Variants in EXOSC5 observed in about 807,000 individuals in gnomAD.
The protein encoded by EXOSC5 is exosome component 5.
In EXOSC5, 15 loss-of-function variants were observed where a neutral mutation model predicts 23.7. The ratio of observed to expected loss-of-function variants is 0.63; its 90% confidence interval spans 0.42 to 0.97. The LOEUF (loss-of-function observed/expected upper bound fraction) is 0.97. Ranked by LOEUF, EXOSC5 falls within the 50% of genes least tolerant of loss-of-function variation. The pLI is 0.00. For synonymous variants in EXOSC5, 143 were observed against 140.9 expected, an observed-to-expected ratio of 1.02 and a Z score of -0.11; for missense variants, 305 against 316.3, an observed-to-expected ratio of 0.96 and a Z score of 0.27.
chr19:41,389,934 C>CTT (rs368205554), intron 3 of EXOSC5, 29 bp from the exon 4 acceptor site: 1,032 of 1,402,422 alleles, frequency 7.4e-4, no homozygotes, highest in Admixed American at 2.0e-3. Flanking sequence ...GGTTAAGTTT[C>CTT]TTTTTTTTTT....
chr19:41,387,063 A>G (rs2038990063), intron 5 of EXOSC5, among the ~76,000 whole-genome samples: 1 of 152,168 alleles, frequency 6.6e-6, no homozygotes, highest in Admixed American at 6.6e-5. Flanking sequence ...GGGATTTTAC[A>G]GCCACAGTCC....
intron 1 of EXOSC5, among the ~76,000 whole-genome samples, chr19:41,395,361 A>G (rs1302699059): frequency 2.6e-5 from 4 of 152,172 alleles, no homozygotes; most frequent in African/African-American, 7.2e-5. Flanking sequence ...TTGCCCGAGC[A>G]CAAGAGTCTC....
rs772486078 is a variant in EXOSC5 at position 41,391,853 on chromosome 19, G to A, written c.372C>T (p.Ser124=). 2.0e-5 allele frequency: 31 copies of A among 1,524,152 alleles called. No individual in the cohort carries two copies. Among genetic ancestry groups the A allele is most frequent in the Middle Eastern group, 3.4e-4 (2 of 5,824 alleles). The allele number at this position is 1,524,152 out of a possible 1,614,324, so 94.4% of individuals were successfully genotyped here. Residue 124 remains serine (S), a synonymous_variant, in exon 3 of 6, where the codon AGC becomes AGT. Coordinates refer to ENST00000221233, the MANE Select transcript of EXOSC5 (RefSeq NM_020158.4). The stretch of plus-strand genomic sequence containing the variant: ...GCAGAAAGGATACAGAGCCGGCATC[G>A]CTGACAACCTGCAGCACCACGGTGA... ...TSITVVLQVV[S]DAGSLLACCL...
At position 41,386,564 on chromosome 19, in the gene EXOSC5, TG is replaced by T; in HGVS notation, c.*68del. The T allele has an allele frequency of 6.8e-7, 1 of 1,472,864 alleles. No homozygotes were observed. The allele number at this position is 1,472,864 out of a possible 1,614,324, so 91.2% of individuals were successfully genotyped here. On this transcript the variant is annotated 3_prime_UTR_variant, in exon 6 of 6. Coordinates refer to ENST00000221233, the MANE Select transcript of EXOSC5 (RefSeq NM_020158.4). ...GGTCAGAGAGGCAAGGCTGGGCTGC[TG>T]GTTTGCTTCAGGCTGTAGGGGGTGA...
At chr19:41,395,739 C>T (rs1226256824) in intron 1 of EXOSC5, among the ~76,000 whole-genome samples, 1 of 152,154 alleles carries the variant, frequency 6.6e-6, no homozygotes, top group Non-Finnish European at 1.5e-5. Flanking sequence ...TCTGACTGCT[C>T]AAGTTGGAAG....
chr19:41,389,020 A>G (rs2039004030), intron 4 of EXOSC5, among the ~76,000 whole-genome samples: 1 of 152,202 alleles, frequency 6.6e-6, no homozygotes, highest in African/African-American at 2.4e-5. Context: ...ATCTCAGCTC[A>G]CTGTAACCTC....
In EXOSC5 at chr19:41,386,383, A is replaced by G. The variant is rs2038984173; in HGVS notation, c.*250T>C. The G allele has an allele frequency of 6.4e-6, 3 of 465,754 alleles. No individual in the cohort carries two copies. Among genetic ancestry groups the G allele is most frequent in the African/African-American group, 5.9e-5 (3 of 50,680 alleles). 28.9% of individuals were successfully genotyped at this position (465,754 alleles called of 1,614,324 possible). The stretch of plus-strand genomic sequence containing the variant: ...GCTCAACAGACATTTGTTAAAGTGA[A>G]TTAATTTATTGATTCATCCATTCCA... On this transcript the variant is annotated 3_prime_UTR_variant, in exon 6 of 6. Transcript: ENST00000221233.
rs370634546 is a variant in EXOSC5, at chr19:41,392,887, C to T, written c.242G>A (p.Arg81Lys). ...ATTACCAGGCAGCCCAATCTTCGGC[C>T]TCAGGATCACTTCGAGTGTGGCCTT... The part of the protein sequence containing the change: ...FNKATLEVIL[R>K]PKIGLPGVAE... The change falls in exon 2 of 6, where the codon AGG becomes AAG. Residue 81 changes from arginine (R) to lysine (K), a missense_variant. By Grantham distance (26) the Arg-to-Lys change is conservative. Transcript: ENST00000221233. The T allele has an allele frequency of 3.1e-6, 5 of 1,613,970 alleles. No homozygotes were observed. Among genetic ancestry groups the T allele is most frequent in the Non-Finnish European group, 4.2e-6 (5 of 1,180,010 alleles).
intron 4 of EXOSC5, among the ~76,000 whole-genome samples, chr19:41,388,637 G>C (rs2039001279): frequency 6.6e-6 from 1 of 152,140 alleles, no homozygotes; most frequent in Non-Finnish European, 1.5e-5. Flanking sequence ...CAACACTGTT[G>C]TTACAAAGTC....
chr19:41,386,580 G>T lies in EXOSC5; in HGVS notation c.*53C>A. ...CTGGGCTGCTGGTTTGCTTCAGGCT[G>T]TAGGGGGTGAGTGGGTGGAGGCAAT... On this transcript the variant is annotated 3_prime_UTR_variant, in exon 6 of 6. Transcript: ENST00000221233. 2 of 1,527,464 alleles carry T rather than the reference G, an allele frequency of 1.3e-6. No individual in the cohort carries two copies. 94.6% of individuals were successfully genotyped at this position (1,527,464 alleles called of 1,614,324 possible).
intron 5 of EXOSC5, 33 bp downstream of exon 5, chr19:41,387,481 T>A: frequency 6.5e-7 from 1 of 1,531,538 alleles, no homozygotes; most frequent in Non-Finnish European, 8.8e-7. Flanking sequence ...GGAAGGAAGG[T>A]TCTGGCTTTT....
intron 3 of EXOSC5, 166 bp downstream of exon 3, chr19:41,391,675 G>T: frequency 1.2e-6 from 1 of 836,516 alleles, no homozygotes; most frequent in Non-Finnish European, 1.8e-6. Flanking sequence ...ACAGAACAGT[G>T]CCTGGCACAT....
Position 41,386,424 on chromosome 19 carries a change from T to G in EXOSC5, c.*209A>C. 1 of 539,030 alleles carries G rather than the reference T, an allele frequency of 1.9e-6. No homozygotes were observed. The highest frequency in any genetic ancestry group is 3.0e-5 in the East Asian group (1 of 33,262). 33.4% of individuals were successfully genotyped at this position (539,030 alleles called of 1,614,324 possible). A position where few individuals can be genotyped will look rare whatever the true frequency, so the allele number is the denominator to read the frequency against. ...ATCCATTCCATAAATGTGAGCTCCT[T>G]TGAATGTTATCCTTGCTGGGGGGAT... On this transcript the variant is annotated 3_prime_UTR_variant, in exon 6 of 6. Transcript: ENST00000221233.
intron 3 of EXOSC5, among the ~76,000 whole-genome samples, chr19:41,391,027 C>T (rs905237111): frequency 1.3e-5 from 2 of 152,128 alleles, no homozygotes; most frequent in African/African-American, 4.8e-5. Context: ...CTGCTCAGGG[C>T]GCCCCCAGCA....
chr19:41,391,028 G>C lies in EXOSC5; in HGVS notation c.384+813C>G, dbSNP rs369702182. On this transcript the variant is annotated intron_variant, in intron 3 of 5. Transcript: ENST00000221233. ...GACTCAGCTGCTGTCTGCTCAGGGC[G>C]CCCCCAGCACTGAGGGCCTGAAATC... 5.3e-5 allele frequency among the ~76,000 whole-genome samples: 8 copies of C among 152,174 alleles called. No individual in the cohort carries two copies. The East Asian group carries it at 1.4e-3, about 26-fold the overall frequency.
intron 3 of EXOSC5, 52 bp from the exon 4 acceptor site, chr19:41,389,957 A>C: frequency 6.5e-7 from 1 of 1,527,360 alleles, no homozygotes; most frequent in Non-Finnish European, 8.8e-7. Context: ...TTGGAGATGG[A>C]GTTTCGCTCT....
chr19:41,396,283 C>T (rs75905923), intron 1 of EXOSC5, among the ~76,000 whole-genome samples: 4,552 of 152,134 alleles, frequency 0.03, 334 homozygotes, highest in East Asian at 0.29. Flanking sequence ...GATCTCGGCC[C>T]ACTGCAACTT....
rs756993318 is a variant in EXOSC5, at chr19:41,397,342, C to A, written c.-14G>T. On this transcript the variant is annotated 5_prime_UTR_variant, in exon 1 of 6. Coordinates refer to ENST00000221233, the MANE Select transcript of EXOSC5 (RefSeq NM_020158.4). ...CTCCTCCTCCATCGCGCCGAGCCCA[C>A]GTGCGGCTGCAGTTGTCACTTCCGC... 2 of 1,604,264 alleles carry A rather than the reference C, an allele frequency of 1.2e-6. No homozygotes were observed. The highest frequency in any genetic ancestry group is 1.7e-5 in the Admixed American group (1 of 59,474).
intron 1 of EXOSC5, among the ~76,000 whole-genome samples, chr19:41,394,515 G>A (rs1179053690): frequency 6.6e-6 from 1 of 151,724 alleles, no homozygotes; most frequent in Non-Finnish European, 1.5e-5. Context: ...GAAGACTCCT[G>A]TCTCTATTTT....
Sources: allele counts gnomAD v4.1 joint callset (sites outside exome capture counted in the v4.1 genomes callset), GRCh38; gene constraint gnomAD v4.1.1; transcripts MANE v1.5; gene names NCBI Gene and HGNC (gene_info 2026-07-23, HGNC 2026-07-21).